SPIDR: variants seen among roughly 807,000 people sequenced by gnomAD.
The protein encoded by SPIDR is scaffold protein involved in DNA repair, also known as DNA repair-scaffolding protein.
SPIDR carries 93 observed loss-of-function variants against 104.6 expected under a neutral mutation model. The ratio of observed to expected loss-of-function variants is 0.89; its 90% CI spans 0.75 to 1.06. The LOEUF (loss-of-function observed/expected upper bound fraction) is 1.06. SPIDR is among the 50% of genes least tolerant of loss of function. The pLI is 0.00. For missense variants in SPIDR, 1,154 were observed against 1,111.2 expected (o/e 1.04, Z -0.55); for synonymous variants, 431 against 416.9 (o/e 1.03, Z -0.41).
intron 8 of SPIDR, among the ~76,000 whole-genome samples, chr8:47,500,593 G>T (rs907911301): frequency 7.9e-5 from 12 of 152,064 alleles, no homozygotes; most frequent in African/African-American, 2.9e-4. Context: ...TTCTTAGGTT[G>T]CCTGTTCACT....
intron 7 of SPIDR, among the ~76,000 whole-genome samples, chr8:47,410,617 C>A (rs577901248): frequency 1.3e-5 from 2 of 151,872 alleles, no homozygotes; most frequent in South Asian, 2.1e-4. Flanking sequence ...GAAGGCCAGG[C>A]AAACATAAAG....
chr8:47,532,296 C>T (rs912022138), intron 8 of SPIDR, among the ~76,000 whole-genome samples: 8 of 151,972 alleles, frequency 5.3e-5, no homozygotes, highest in African/African-American at 1.4e-4. Context: ...CTCGAACTCC[C>T]GACCTCAGGT....
intron 10 of SPIDR, among the ~76,000 whole-genome samples, chr8:47,660,110 T>C (rs2154462738): frequency 6.6e-6 from 1 of 152,354 alleles, no homozygotes; most frequent in African/African-American, 2.4e-5. Flanking sequence ...AAAACTTTTT[T>C]AAAAGAGAAA....
intron 8 of SPIDR, among the ~76,000 whole-genome samples, chr8:47,520,700 A>C (rs1243635296): frequency 6.6e-6 from 1 of 152,236 alleles, no homozygotes; most frequent in Non-Finnish European, 1.5e-5. Context: ...GTAAATTTGC[A>C]GATGGGGAAA....
At chr8:47,262,609 AAGAG>A (rs898206197) in intron 1 of SPIDR, among the ~76,000 whole-genome samples, 12 of 152,174 alleles carry the variant, frequency 7.9e-5, no homozygotes, top group Non-Finnish European at 1.6e-4. Context: ...TCCCAAGAGC[AAGAG>A]AGAGAGCAAC....
chr8:47,653,628 C>T (rs1360166579), intron 10 of SPIDR, among the ~76,000 whole-genome samples: 1 of 152,188 alleles, frequency 6.6e-6, no homozygotes, highest in Non-Finnish European at 1.5e-5. Flanking sequence ...AGGGCAGGAA[C>T]TATGTCTTAT....
At chr8:47,484,316 G>A (rs549300701) in intron 8 of SPIDR, among the ~76,000 whole-genome samples, 1 of 152,360 alleles carries the variant, frequency 6.6e-6, no homozygotes, top group East Asian at 1.9e-4. Context: ...TCAACCCTTT[G>A]AGAGCAGATC....
chr8:47,621,471 T>G (rs1335369280), intron 10 of SPIDR, among the ~76,000 whole-genome samples: 1 of 152,202 alleles, frequency 6.6e-6, no homozygotes, highest in Non-Finnish European at 1.5e-5. Flanking sequence ...CTCTTCATCC[T>G]CTCATCTCTG....
chr8:47,511,320 T>A, intron 8 of SPIDR: 1 of 1,284,002 alleles, frequency 7.8e-7, no homozygotes, highest in East Asian at 2.3e-5. Flanking sequence ...TTTCTGCCAG[T>A]TGGACTGGAG....
intron 8 of SPIDR, among the ~76,000 whole-genome samples, chr8:47,443,168 T>C (rs2069787557): frequency 6.6e-6 from 1 of 152,150 alleles, no homozygotes; most frequent in South Asian, 2.1e-4. Flanking sequence ...GACTTTGGAA[T>C]GTTTGTAGGT....
Position 47,396,453 on chromosome 8 carries a change from T to C in SPIDR, c.603T>C (p.Asp201=). The change falls in exon 6 of 20, where the codon GAT becomes GAC. Residue 201 remains aspartate (D), a synonymous_variant. Coordinates refer to ENST00000297423, the MANE Select transcript of SPIDR (RefSeq NM_001080394.4). ...EDDLENVLLI[D]SESPHKYHVQ... ...ATTTGGAAAATGTCCTACTCATTGA[T>C]TCAGAATCCCCTCACAAATACCACG... is the stretch of plus-strand genomic sequence containing the variant. 2 of 1,614,130 alleles carry C rather than the reference T, an allele frequency of 1.2e-6. No homozygotes were observed. Among genetic ancestry groups the C allele is most frequent in the Non-Finnish European group, 1.7e-6 (2 of 1,179,986 alleles).
intron 10 of SPIDR, among the ~76,000 whole-genome samples, chr8:47,627,755 T>A (rs1364886579): frequency 1.3e-5 from 2 of 151,982 alleles, no homozygotes; most frequent in South Asian, 2.1e-4. Flanking sequence ...AGTAAACAAG[T>A]TTAGAGAACC....
intron 10 of SPIDR, among the ~76,000 whole-genome samples, chr8:47,643,942 A>T (rs567252515): frequency 6.6e-6 from 1 of 152,314 alleles, no homozygotes; most frequent in Non-Finnish European, 1.5e-5. Flanking sequence ...GGTCATTCAT[A>T]TAGTTAGTGA....
chr8:47,612,159 A>G (rs1166477047), intron 10 of SPIDR, among the ~76,000 whole-genome samples: 2 of 152,340 alleles, frequency 1.3e-5, no homozygotes, highest in South Asian at 2.1e-4. Flanking sequence ...ATAAATGTCA[A>G]AATCTTCTTG....
chr8:47,292,579 A>G (rs2040112382), intron 4 of SPIDR, among the ~76,000 whole-genome samples: 1 of 152,160 alleles, frequency 6.6e-6, no homozygotes, highest in African/African-American at 2.4e-5. Context: ...CCAATTGTCT[A>G]AAAGTTTTTA....
chr8:47,319,575 C>G (rs1554592991), intron 5 of SPIDR, among the ~76,000 whole-genome samples: 2 of 152,172 alleles, frequency 1.3e-5, no homozygotes, highest in African/African-American at 2.4e-5. Flanking sequence ...GTATTGTACT[C>G]AACTCTGCAC....
intron 8 of SPIDR, among the ~76,000 whole-genome samples, chr8:47,493,183 G>A (rs117485165): frequency 0.026 from 3,928 of 152,094 alleles, 77 homozygotes; most frequent in Non-Finnish European, 0.04. Context: ...CTCCTTAAGA[G>A]CAGAAACAAT....
chr8:47,688,191 G>A (rs868223080), intron 11 of SPIDR, among the ~76,000 whole-genome samples: 2 of 152,196 alleles, frequency 1.3e-5, no homozygotes, highest in African/African-American at 2.4e-5. Flanking sequence ...GTGCAGTGGT[G>A]CAATCTTGGC....
intron 10 of SPIDR, among the ~76,000 whole-genome samples, chr8:47,612,896 C>T (rs78310321): frequency 1.2e-3 from 190 of 152,294 alleles, no homozygotes; most frequent in Non-Finnish European, 2.4e-3. Flanking sequence ...CAGTCACTGC[C>T]GCCACGGAGG....
Sources: gnomAD v4.1 joint callset for allele counts (sites outside exome capture counted in the v4.1 genomes callset) on GRCh38, gnomAD v4.1.1 for gene constraint, MANE v1.5 for transcripts, NCBI Gene and HGNC (gene_info 2026-07-23, HGNC 2026-07-21) for gene names.